MAP4K3: variants seen among roughly 807,000 people sequenced by gnomAD.
MAP4K3 encodes MAPK/ERK kinase kinase kinase 3.
A neutral mutation model predicts 143.5 loss-of-function variants in MAP4K3; 94 were observed. The ratio of observed to expected loss-of-function variants is 0.65; its 90% CI spans 0.55 to 0.78. The LOEUF is 0.78. MAP4K3 is among the 30% of genes least tolerant of loss of function. MAP4K3 has a pLI of 0.00. For missense variants in MAP4K3, 1,077 were observed against 1,068.1 expected (o/e 1.01, Z -0.12); for synonymous variants, 416 against 347.2 (o/e 1.20, Z -2.20).
At chr2:39,380,342 T>C (rs1271659578) in intron 1 of MAP4K3, among the ~76,000 whole-genome samples, 3 of 152,158 alleles carry the variant, frequency 2.0e-5, no homozygotes, top group Non-Finnish European at 4.4e-5. Context: ...CCAGGAATCT[T>C]GGTCTTCTGC....
chr2:39,378,416 A>G (rs1250675076), intron 1 of MAP4K3, among the ~76,000 whole-genome samples: 4 of 152,206 alleles, frequency 2.6e-5, no homozygotes, highest in African/African-American at 4.8e-5. Context: ...CAACAACCTT[A>G]TAAAATAGGT....
intron 1 of MAP4K3, among the ~76,000 whole-genome samples, chr2:39,389,914 A>T (rs1280662059): frequency 6.6e-6 from 1 of 152,210 alleles, no homozygotes; most frequent in African/African-American, 2.4e-5. Context: ...AAAAACTAGA[A>T]CTCAAATATG....
At chr2:39,284,241 A>T (rs1250523117) in intron 21 of MAP4K3, among the ~76,000 whole-genome samples, 2 of 152,016 alleles carry the variant, frequency 1.3e-5, no homozygotes, top group Non-Finnish European at 2.9e-5. Context: ...GGGTCACTGC[A>T]ACCTCTGCCT....
At chr2:39,319,700 A>G (rs1018408875) in intron 12 of MAP4K3, among the ~76,000 whole-genome samples, 4 of 152,234 alleles carry the variant, frequency 2.6e-5, no homozygotes, top group African/African-American at 9.6e-5. Flanking sequence ...CTATTATTTA[A>G]TGTAAGAAGA....
rs547137878 is a variant in MAP4K3, at chr2:39,249,319, G to T, written c.*1299C>A. On this transcript the variant is annotated 3_prime_UTR_variant, in exon 34 of 34. Transcript: ENST00000263881. ...GTTTATTTTACAATATGTACAATCA[G>T]GAACATATTTTAAAACCATTATCAT... 2.0e-5 allele frequency: 3 copies of T among 152,532 alleles called. No homozygotes were observed. The highest frequency in any genetic ancestry group is 7.2e-5 in the African/African-American group (3 of 41,492). The allele number at this position is 152,532 out of a possible 1,614,324, so 9.4% of individuals were successfully genotyped here. A position where few individuals can be genotyped will look rare whatever the true frequency, so the allele number is the denominator to read the frequency against.
intron 1 of MAP4K3, among the ~76,000 whole-genome samples, chr2:39,401,621 G>A (rs183181067): frequency 1.2e-3 from 189 of 151,972 alleles, no homozygotes; most frequent in African/African-American, 4.3e-3. Context: ...GTGACACGGC[G>A]AAACCCATCT....
intron 6 of MAP4K3, 93 bp from the exon 7 acceptor site, chr2:39,333,667 G>T: frequency 1.6e-6 from 1 of 630,980 alleles, no homozygotes; most frequent in Non-Finnish European, 2.7e-6. Context: ...AATAATCACA[G>T]CCTTAGACCT....
chr2:39,424,692 AGGT>A (rs1665007451), intron 1 of MAP4K3, among the ~76,000 whole-genome samples: 1 of 151,782 alleles, frequency 6.6e-6, no homozygotes, highest in African/African-American at 2.4e-5. Context: ...TAGGTGGGCA[AGGT>A]GGTGGACACC....
chr2:39,251,991 A>G lies in MAP4K3; in HGVS notation c.2542-106T>C, dbSNP rs146802695. ...AAAAGAAACATGATCGCTAAAAATG[A>G]AAACATATTCCTGCATGACTGTTTG... On this transcript the variant is annotated intron_variant, in intron 32 of 33. Coordinates refer to ENST00000263881, the MANE Select transcript of MAP4K3 (RefSeq NM_003618.4). 565 of 743,032 alleles carry G rather than the reference A, an allele frequency of 7.6e-4. 6 individuals are homozygous for G. The African/African-American group carries it at 8.1e-3, about 11-fold the overall frequency. The allele number at this position is 743,032 out of a possible 1,614,324, so 46.0% of individuals were successfully genotyped here.
intron 1 of MAP4K3, among the ~76,000 whole-genome samples, chr2:39,395,706 T>A (rs1194509762): frequency 1.3e-5 from 2 of 152,206 alleles, no homozygotes; most frequent in African/African-American, 4.8e-5. Context: ...GCTCTACATT[T>A]CAATTTTCAA....
chr2:39,330,821 A>C (rs1683658150), intron 8 of MAP4K3, among the ~76,000 whole-genome samples: 1 of 152,156 alleles, frequency 6.6e-6, no homozygotes, highest in African/African-American at 2.4e-5. Flanking sequence ...AGTAAATTTA[A>C]AATGAAATTA....
chr2:39,367,802 T>C (rs1665965968), intron 2 of MAP4K3, among the ~76,000 whole-genome samples: 1 of 152,228 alleles, frequency 6.6e-6, no homozygotes, highest in Non-Finnish European at 1.5e-5. Context: ...GAAATTTTAA[T>C]ACCACAGATA....
At chr2:39,266,450 T>C (rs1456972516) in intron 27 of MAP4K3, among the ~76,000 whole-genome samples, 2 of 152,250 alleles carry the variant, frequency 1.3e-5, no homozygotes, top group African/African-American at 4.8e-5. Context: ...CTATCATCTG[T>C]ATCCAGCTAA....
At chr2:39,377,153 A>T (rs904892793) in intron 2 of MAP4K3, among the ~76,000 whole-genome samples, 1 of 150,416 alleles carries the variant, frequency 6.6e-6, no homozygotes, top group Non-Finnish European at 1.5e-5. Flanking sequence ...AGAACTGAAT[A>T]TAGAGACCAT....
At position 39,299,734 on chromosome 2, in the gene MAP4K3, TTTAC is replaced by T. The variant is rs1239958383; in HGVS notation, c.1178+5_1178+8del. Reference sequence around the variant, plus strand: ...AATTTAAATTAAGTTTTAAAAGAACTTTACTTACTTGTTTGCACCTAAAAAGTAA... The same window carrying T: ...AATTTAAATTAAGTTTTAAAAGAACTTTACTTGTTTGCACCTAAAAAGTAA... On this transcript the variant is annotated splice_donor_5th_base_variant and intron_variant, in intron 16 of 33. Coordinates refer to ENST00000263881, the MANE Select transcript of MAP4K3 (RefSeq NM_003618.4). 1.3e-6 allele frequency: 2 copies of T among 1,522,536 alleles called. No homozygotes were observed. The highest frequency in any genetic ancestry group is 1.8e-6 in the Non-Finnish European group (2 of 1,125,522). 94.3% of individuals were successfully genotyped at this position (1,522,536 alleles called of 1,614,324 possible).
intron 2 of MAP4K3, among the ~76,000 whole-genome samples, chr2:39,366,113 C>T (rs1665915300): frequency 6.6e-6 from 1 of 151,952 alleles, no homozygotes; most frequent in African/African-American, 2.4e-5. Flanking sequence ...GACCAATGGC[C>T]CATGAAAGAG....
chr2:39,425,916 C>T (rs1302405794), intron 1 of MAP4K3, among the ~76,000 whole-genome samples: 1 of 152,042 alleles, frequency 6.6e-6, no homozygotes, highest in East Asian at 1.9e-4. Context: ...ATTTGGGAAC[C>T]ATTATAGTAA....
At chr2:39,322,883 T>G (rs1161003839) in intron 12 of MAP4K3, among the ~76,000 whole-genome samples, 1 of 152,122 alleles carries the variant, frequency 6.6e-6, no homozygotes, top group Non-Finnish European at 1.5e-5. Flanking sequence ...TTAGCCAAGC[T>G]GGTCCCAAAC....
intron 23 of MAP4K3, among the ~76,000 whole-genome samples, chr2:39,279,851 G>C (rs895406996): frequency 2.6e-4 from 39 of 152,248 alleles, no homozygotes; most frequent in African/African-American, 9.1e-4. Context: ...TACTCGGGTG[G>C]CTGAGGCAGG....
Sources: allele counts gnomAD v4.1 joint callset (sites outside exome capture counted in the v4.1 genomes callset), GRCh38; gene constraint gnomAD v4.1.1; transcripts MANE v1.5; gene names NCBI Gene and HGNC (gene_info 2026-07-23, HGNC 2026-07-21).